The following MEGF6 variants were observed in gnomAD, a reference collection of about 807,000 sequenced individuals.
The protein encoded by MEGF6 is multiple epidermal growth factor-like domains protein 6.
A neutral mutation model predicts 207.1 loss-of-function variants in MEGF6; 184 were observed. The observed-to-expected ratio is 0.89, with a 90% confidence interval of 0.79 to 1.00. The LOEUF (loss-of-function observed/expected upper bound fraction) is 1.00, where lower values mean the gene tolerates loss of function less well. Among genes scored for constraint, MEGF6 ranks in the 50% least tolerant of loss-of-function variants. MEGF6 has a pLI of 0.00. For synonymous variants in MEGF6, 1,038 were observed against 910.0 expected, an observed-to-expected ratio of 1.14 and a Z score of -2.53; for missense variants, 2,282 against 2,202.9, an observed-to-expected ratio of 1.04 and a Z score of -0.72.
intron 4 of MEGF6, among the ~76,000 whole-genome samples, chr1:3,528,098 C>A (rs1043230015): frequency 6.6e-6 from 1 of 152,224 alleles, no homozygotes; most frequent in Non-Finnish European, 1.5e-5. Flanking sequence ...AGCTTCTGGA[C>A]ACAGCGAGCC....
chr1:3,604,263 G>A (rs1644208309), intron 1 of MEGF6, among the ~76,000 whole-genome samples: 1 of 152,224 alleles, frequency 6.6e-6, no homozygotes, highest in Non-Finnish European at 1.5e-5. Flanking sequence ...CCATCCCAGG[G>A]CTGAGGCTTG....
chr1:3,614,811 G>A (rs868729464), upstream of MEGF6, among the ~76,000 whole-genome samples: 1 of 152,250 alleles, frequency 6.6e-6, no homozygotes, highest in Non-Finnish European at 1.5e-5. Flanking sequence ...TCCCTGGTTA[G>A]CCAGTGGTTC....
At chr1:3,578,447 A>G (rs1240010488) in intron 4 of MEGF6, among the ~76,000 whole-genome samples, 1 of 151,214 alleles carries the variant, frequency 6.6e-6, no homozygotes, top group Non-Finnish European at 1.5e-5. Context: ...GGGATGGGTC[A>G]CCTCTGACCA....
At chr1:3,575,656 AAG>A (rs1169647021) in intron 4 of MEGF6, among the ~76,000 whole-genome samples, 13 of 149,528 alleles carry the variant, frequency 8.7e-5, no homozygotes, top group African/African-American at 1.5e-4. Flanking sequence ...GCAGCAGGCA[AAG>A]AGAGAGAGCT....
At chr1:3,491,342 C>G (rs1256088753) in intron 35 of MEGF6, among the ~76,000 whole-genome samples, 1 of 152,110 alleles carries the variant, frequency 6.6e-6, no homozygotes, top group Non-Finnish European at 1.5e-5. Flanking sequence ...CCCCCGGCAC[C>G]CGGCACCCAG....
At chr1:3,491,333 CCCCGGCA>C (rs1021537090) in intron 35 of MEGF6, among the ~76,000 whole-genome samples, 17 of 152,142 alleles carry the variant, frequency 1.1e-4, no homozygotes, top group Non-Finnish European at 1.3e-4. Context: ...AAGGCACTGC[CCCCGGCA>C]CCCGGCACCC....
rs115175505 is a variant in MEGF6 at position 3,512,111 on chromosome 1, C to A, written c.871G>T (p.Ala291Ser). ...CCATGGGCACACTGGGCCAGCCCTG[C>A]GGCACATTCGTCCACATCTGGAGGG... is the stretch of plus-strand genomic sequence containing the variant. ...KACEDVDECA[A>S]GLAQCAHGCL... The change falls in exon 8 of 37, where the codon GCA becomes TCA. Residue 291 changes from alanine to serine, a missense_variant. Physicochemically the swap from Ala to Ser is moderately conservative, Grantham distance 99 (BLOSUM62 1). Transcript: ENST00000356575. The A allele has an allele frequency of 1.5e-5, 24 of 1,608,146 alleles. No homozygotes were observed. Among genetic ancestry groups the A allele is most frequent in the Non-Finnish European group, 1.9e-5 (22 of 1,176,682 alleles).
rs926858422 is a variant in MEGF6, at chr1:3,509,939, G to A, written c.1288C>T (p.Leu430=). ...RGGCEHHCTN[L]AGSFQCSCEA... is the part of the protein sequence containing the mutation. ...CAGGAGCACTGGAAGGAGCCGGCCA[G>A]GTTGGTGCAGTGGTGCTCGCAGCCG... The change falls in exon 11 of 37, where the codon CTG becomes TTG. Residue 430 remains leucine (L), a synonymous_variant. Coordinates refer to ENST00000356575, the MANE Select transcript of MEGF6 (RefSeq NM_001409.4). The A allele has an allele frequency of 4.4e-6, 7 of 1,578,332 alleles. No homozygotes were observed. Among genetic ancestry groups the A allele is most frequent in the Non-Finnish European group, 6.0e-6 (7 of 1,166,094 alleles).
chr1:3,574,177 C>T (rs1643582202), intron 4 of MEGF6, among the ~76,000 whole-genome samples: 1 of 152,084 alleles, frequency 6.6e-6, no homozygotes, highest in Non-Finnish European at 1.5e-5. Context: ...GATGTCTCCC[C>T]CGGCTTGGCA....
intron 4 of MEGF6, among the ~76,000 whole-genome samples, chr1:3,567,003 C>A (rs1016504664): frequency 6.6e-6 from 1 of 152,218 alleles, no homozygotes; most frequent in South Asian, 2.1e-4. Flanking sequence ...ATAGTGAGGC[C>A]GTCCTGGCCA....
chr1:3,611,557 A>T, upstream of MEGF6: 1 of 144,788 alleles, frequency 6.9e-6, no homozygotes, highest in Non-Finnish European at 1.1e-5. Flanking sequence ...GCCCGCCCCC[A>T]GCCCGGACCC....
chr1:3,607,556 C>A (rs1644268862), intron 1 of MEGF6, among the ~76,000 whole-genome samples: 1 of 152,178 alleles, frequency 6.6e-6, no homozygotes, highest in South Asian at 2.1e-4. Context: ...GCCCCGGCGG[C>A]CTTTCCACCT....
the MEGF6 span, among the ~76,000 whole-genome samples, chr1:3,621,190 A>T: frequency 6.6e-6 from 1 of 152,312 alleles, no homozygotes; most frequent in African/African-American, 2.4e-5. Context: ...AGTCTTCTCT[A>T]AACTCCCCTG....
At chr1:3,618,233 C>A in the MEGF6 span, among the ~76,000 whole-genome samples, 1 of 152,216 alleles carries the variant, frequency 6.6e-6, no homozygotes, top group African/African-American at 2.4e-5. This position sits in a 1 kb window ranked among gnomAD's most constrained non-coding sequence, Gnocchi z 4.7. Flanking sequence ...GGGCCGCACC[C>A]TGCCTGCCAC....
At chr1:3,503,520 C>G (rs566189492) in intron 17 of MEGF6, among the ~76,000 whole-genome samples, 4 of 152,120 alleles carry the variant, frequency 2.6e-5, no homozygotes, top group South Asian at 2.1e-4. Context: ...CTCTCAGGAA[C>G]TGGGGGCTCC....
At position 3,551,894 on chromosome 1, in the gene MEGF6, G is replaced by A. The variant is rs147685722; in HGVS notation, c.482-27648C>T. Among the ~76,000 whole-genome samples, 346 of 152,316 alleles carry A rather than the reference G, an allele frequency of 2.3e-3. 1 individual carries two copies. The highest frequency in any genetic ancestry group is 8.0e-3 in the African/African-American group (334 of 41,562). On this transcript the variant is annotated intron_variant, in intron 4 of 36. Coordinates refer to ENST00000356575, the MANE Select transcript of MEGF6 (RefSeq NM_001409.4). The stretch of plus-strand genomic sequence containing the variant: ...GTCACCTCCCAATTCAAGCTTCCAC[G>A]CAGAAGCCTGAGAGCTGAGCTCCCT...
chr1:3,584,698 C>T (rs529773187), intron 3 of MEGF6, among the ~76,000 whole-genome samples: 3 of 152,172 alleles, frequency 2.0e-5, no homozygotes, highest in African/African-American at 4.8e-5. Flanking sequence ...GGGACGGAGC[C>T]GAGGATCAGG....
chr1:3,531,182 C>A (rs1262607722), intron 4 of MEGF6: 4 of 1,521,350 alleles, frequency 2.6e-6, no homozygotes, highest in Non-Finnish European at 3.5e-6. Flanking sequence ...GCGACGCGCG[C>A]CAGGCCCCCC....
chr1:3,610,899 A>T (rs1384514725), intron 1 of MEGF6, among the ~76,000 whole-genome samples: 2 of 138,396 alleles, frequency 1.4e-5, no homozygotes, highest in Non-Finnish European at 3.1e-5. Context: ...CACATCACGG[A>T]GCAAAAGAAG....
Sources: gnomAD v4.1 joint callset for allele counts (sites outside exome capture counted in the v4.1 genomes callset) on GRCh38, gnomAD v4.1.1 for gene constraint, Gnocchi (gnomAD v3.1) non-coding constraint, MANE v1.5 for transcripts, NCBI Gene and HGNC (gene_info 2026-07-23, HGNC 2026-07-21) for gene names.